The following TTC39B variants were observed in gnomAD, a reference collection of about 807,000 sequenced individuals.
TTC39B encodes tetratricopeptide repeat protein 39B.
TTC39B carries 92 observed loss-of-function variants against 96.6 expected under a neutral mutation model. The ratio of observed to expected loss-of-function variants is 0.95; its 90% CI spans 0.80 to 1.13. The LOEUF is 1.13. Ranked by LOEUF, TTC39B falls within the 50% of genes most tolerant of loss-of-function variation. The probability of loss-of-function intolerance (pLI) is 0.00; values close to 1 mark genes in which losing one functional copy is unlikely to be tolerated. For synonymous variants in TTC39B, 367 were observed against 299.4 expected, an observed-to-expected ratio of 1.23 and a Z score of -2.33; for missense variants, 955 against 809.3, an observed-to-expected ratio of 1.18 and a Z score of -2.18.
At chr9:15,279,913 T>TTTTTA (rs1823693851) in intron 1 of TTC39B, among the ~76,000 whole-genome samples, 1 of 128,642 alleles carries the variant, frequency 7.8e-6, no homozygotes, top group Non-Finnish European at 1.6e-5. Context: ...TTTTTTTTTT[T>TTTTTA]GAGACGGAGT....
intron 3 of TTC39B, among the ~76,000 whole-genome samples, chr9:15,224,799 A>T (rs1821032929): frequency 6.6e-6 from 1 of 152,230 alleles, no homozygotes; most frequent in Non-Finnish European, 1.5e-5. Flanking sequence ...AGTAAAAAAA[A>T]GGATATGGAA....
chr9:15,276,673 G>A (rs1443757861), intron 1 of TTC39B, among the ~76,000 whole-genome samples: 2 of 152,224 alleles, frequency 1.3e-5, no homozygotes, highest in South Asian at 2.1e-4. Context: ...GTGTAGTAGA[G>A]CGGAAAGCAT....
chr9:15,185,442 C>A, intron 15 of TTC39B, 36 bp from the exon 16 acceptor site: 2 of 1,609,786 alleles, frequency 1.2e-6, no homozygotes, highest in South Asian at 2.2e-5. Flanking sequence ...AGAGAAAGGT[C>A]ATGGCAACAC....
At chr9:15,248,062 T>G (rs1332602692) in intron 2 of TTC39B, among the ~76,000 whole-genome samples, 1 of 152,196 alleles carries the variant, frequency 6.6e-6, no homozygotes, top group East Asian at 1.9e-4. Context: ...TGGTTGCTGT[T>G]GAAGATTTTT....
chr9:15,305,280 C>A (rs914351089), intron 1 of TTC39B, among the ~76,000 whole-genome samples: 3 of 152,162 alleles, frequency 2.0e-5, no homozygotes, highest in Non-Finnish European at 4.4e-5. Context: ...GACTGAGAAC[C>A]ATAAAGAGGC....
intron 2 of TTC39B, among the ~76,000 whole-genome samples, chr9:15,241,400 C>T (rs1383495930): frequency 6.6e-6 from 1 of 151,800 alleles, no homozygotes; most frequent in Non-Finnish European, 1.5e-5. Context: ...ATTTAGTAAA[C>T]TAAAATTTAA....
intron 2 of TTC39B, among the ~76,000 whole-genome samples, chr9:15,247,736 T>C (rs991226067): frequency 2.0e-5 from 3 of 151,742 alleles, no homozygotes; most frequent in African/African-American, 7.3e-5. Context: ...AAGTACAAAA[T>C]GTTAGGAAGA....
At chr9:15,280,600 C>T (rs981206369) in intron 1 of TTC39B, among the ~76,000 whole-genome samples, 2 of 152,148 alleles carry the variant, frequency 1.3e-5, no homozygotes, top group African/African-American at 2.4e-5. Flanking sequence ...ATGTGTGGCC[C>T]GAACAGTGAT....
At chr9:15,285,723 C>T (rs958168503) in intron 1 of TTC39B, among the ~76,000 whole-genome samples, 2 of 152,026 alleles carry the variant, frequency 1.3e-5, no homozygotes, top group Non-Finnish European at 1.5e-5. Context: ...GGCTTGGTGG[C>T]GGGCGCCTGT....
chr9:15,241,666 T>G lies in TTC39B; in HGVS notation c.276-15654A>C, dbSNP rs190188486. On this transcript the variant is annotated intron_variant, in intron 2 of 19. Transcript: ENST00000512701. ...AACAGAATATGAATCCTGATACAAC[T>G]TAAGCTGTATTAAGAAAACTATAGC... is the stretch of plus-strand genomic sequence containing the variant. 2.3e-3 allele frequency among the ~76,000 whole-genome samples: 357 copies of G among 152,208 alleles called. 2 individuals carry two copies. The highest frequency in any genetic ancestry group is 8.2e-3 in the African/African-American group (339 of 41,544).
chr9:15,229,851 T>A (rs975609882), intron 2 of TTC39B, among the ~76,000 whole-genome samples: 1 of 152,210 alleles, frequency 6.6e-6, no homozygotes, highest in Non-Finnish European at 1.5e-5. Context: ...TTTGTGGGGT[T>A]GTTATTATTA....
At chr9:15,223,111 A>G (rs1820936833) in intron 3 of TTC39B, among the ~76,000 whole-genome samples, 2 of 152,230 alleles carry the variant, frequency 1.3e-5, no homozygotes, top group Non-Finnish European at 2.9e-5. Context: ...CTTTAGGACA[A>G]TGGCAGGAAA....
At chr9:15,198,174 A>C (rs1386778086) in intron 8 of TTC39B, among the ~76,000 whole-genome samples, 1 of 152,112 alleles carries the variant, frequency 6.6e-6, no homozygotes, top group Non-Finnish European at 1.5e-5. Flanking sequence ...AAATAGCACA[A>C]AGGGCCAGGC....
At chr9:15,195,034 T>C (rs776344049) in intron 8 of TTC39B, among the ~76,000 whole-genome samples, 1 of 152,226 alleles carries the variant, frequency 6.6e-6, no homozygotes, top group Non-Finnish European at 1.5e-5. Context: ...GAGGAAGGCA[T>C]GTCAAAAGCC....
chr9:15,198,815 A>T (rs921026602), intron 8 of TTC39B, among the ~76,000 whole-genome samples: 5 of 152,174 alleles, frequency 3.3e-5, no homozygotes, highest in Non-Finnish European at 5.9e-5. Flanking sequence ...AATACAATTT[A>T]AATATGAAAA....
intron 1 of TTC39B, among the ~76,000 whole-genome samples, chr9:15,269,879 G>T (rs1212467793): frequency 7.3e-6 from 1 of 136,398 alleles, no homozygotes; most frequent in Non-Finnish European, 1.6e-5. Flanking sequence ...AAAAAAAAAA[G>T]AAGAACCGAC....
At chr9:15,166,999 TATATATATATATATATATATATA>T (rs1203193314) in exon 20 of TTC39B, 145 of 6,452 alleles carry the variant, frequency 0.022, 17 homozygotes, top group African/African-American at 0.068. Flanking sequence ...TATATATATA[TATATATATATATATATATATATA>T]TATATATTTT....
intron 7 of TTC39B, 55 bp from the exon 8 acceptor site, chr9:15,199,980 C>A: frequency 2.0e-6 from 2 of 1,019,290 alleles, no homozygotes; most frequent in South Asian, 1.5e-5. Context: ...TTTAAATTGT[C>A]CCCACAGTTG....
intron 1 of TTC39B, among the ~76,000 whole-genome samples, chr9:15,296,604 C>A (rs925385544): frequency 6.6e-6 from 1 of 152,220 alleles, no homozygotes; most frequent in African/African-American, 2.4e-5. Flanking sequence ...AAGCAATTCT[C>A]CTGCCTCAGC....
Sources: gnomAD v4.1 joint callset for allele counts (sites outside exome capture counted in the v4.1 genomes callset) on GRCh38, gnomAD v4.1.1 for gene constraint, MANE v1.5 for transcripts, NCBI Gene and HGNC (gene_info 2026-07-23, HGNC 2026-07-21) for gene names.